The following SFRP2 variants were observed in gnomAD, a reference collection of about 807,000 sequenced individuals.
The protein encoded by SFRP2 is secreted frizzled-related protein 2.
In SFRP2, 16 loss-of-function variants were observed where a neutral mutation model predicts 26.0. The ratio of observed to expected loss-of-function variants is 0.61; its 90% CI spans 0.42 to 0.93. The LOEUF (loss-of-function observed/expected upper bound fraction) is 0.93. Ranked by LOEUF, SFRP2 falls within the 40% of genes least tolerant of loss-of-function variation. The pLI, the probability that SFRP2 is intolerant of heterozygous loss-of-function variation, is 0.00. For synonymous variants in SFRP2, 173 were observed against 167.3 expected, an observed-to-expected ratio of 1.03 and a Z score of -0.26; for missense variants, 343 against 392.4, an observed-to-expected ratio of 0.87 and a Z score of 1.06.
rs1206787522 is a variant in SFRP2 at position 153,788,777 on chromosome 4, C to A, written c.59G>T (p.Gly20Val). The change falls in exon 1 of 3, where the codon GGC becomes GTC. Residue 20 changes from glycine to valine, a missense_variant. Gly to Val is a moderately radical substitution (Grantham distance 109). Coordinates refer to ENST00000274063, the MANE Select transcript of SFRP2 (RefSeq NM_003013.3). ...AAAGAGGAAGAGCCCGCGCGCCGAG[C>A]CCAGGCAGCAGTGCGAGGCGAGGAA... is the stretch of plus-strand genomic sequence containing the variant. ...LLFLASHCCL[G>V]SARGLFLFGQ... The A allele has an allele frequency of 6.2e-7, 1 of 1,610,314 alleles. No individual in the cohort carries two copies. Among genetic ancestry groups the A allele is most frequent in the South Asian group, 1.1e-5 (1 of 91,064 alleles).
At chr4:153,788,280 T>A in intron 1 of SFRP2, 54 bp downstream of exon 1, 1 of 1,566,642 alleles carries the variant, frequency 6.4e-7, no homozygotes, top group East Asian at 2.3e-5. Context: ...GGGCGGGATC[T>A]CCTGGGAGCG....
intron 1 of SFRP2, 147 bp downstream of exon 1, chr4:153,788,187 G>T: frequency 1.1e-6 from 1 of 949,496 alleles, no homozygotes; most frequent in Non-Finnish European, 1.5e-6. Context: ...CAGGCTTGTT[G>T]TGATGACAGA....
rs764725894 is a variant in SFRP2 at position 153,781,429 on chromosome 4, C to T, written c.*22G>A. ...CAGCCGTGCTCTGGAGCAGGCCTGT[C>T]GGAGCCATCAGGATGCCGGGACTAG... On this transcript the variant is annotated 3_prime_UTR_variant, in exon 3 of 3. Coordinates refer to ENST00000274063, the MANE Select transcript of SFRP2 (RefSeq NM_003013.3). The T allele has an allele frequency of 8.1e-6, 13 of 1,599,794 alleles. No individual in the cohort carries two copies. The highest frequency in any genetic ancestry group is 7.8e-5 in the South Asian group (7 of 90,190).
At chr4:153,782,302 G>A (rs1385032224) in intron 2 of SFRP2, among the ~76,000 whole-genome samples, 1 of 152,194 alleles carries the variant, frequency 6.6e-6, no homozygotes, top group African/African-American at 2.4e-5. Context: ...CATTTGATTT[G>A]GTAAAGCAGG....
chr4:153,781,016 G>A lies in SFRP2; in HGVS notation c.*435C>T, dbSNP rs550858513. 1.7e-5 allele frequency: 3 copies of A among 180,362 alleles called. No homozygotes were observed. The highest frequency in any genetic ancestry group is 2.4e-5 in the African/African-American group (1 of 42,318). The allele number at this position is 180,362 out of a possible 1,614,324, so 11.2% of individuals were successfully genotyped here. ...CCAGCTTTATCTCAACAGGGTTTGT[G>A]ACCCACAAGTTTGGGCCACAGAGAA... On this transcript the variant is annotated 3_prime_UTR_variant, in exon 3 of 3. Transcript: ENST00000274063.
Position 153,788,858 on chromosome 4 carries a change from G to A in SFRP2, c.-23C>T. 1 of 1,557,066 alleles carries A rather than the reference G, an allele frequency of 6.4e-7. No homozygotes were observed. The highest frequency in any genetic ancestry group is 1.8e-5 in the Admixed American group (1 of 54,490). On this transcript the variant is annotated 5_prime_UTR_variant, in exon 1 of 3. Transcript: ENST00000274063. ...CATCGTGGGCGCGCGACCCCGAGGGGGCAGAGGGAGCGGAGCCGGGGAAGG... is the reference window on the plus strand; with the variant it reads ...CATCGTGGGCGCGCGACCCCGAGGGAGCAGAGGGAGCGGAGCCGGGGAAGG...
rs1025942815 is a variant in SFRP2 at position 153,781,268 on chromosome 4, C to G, written c.*183G>C. The stretch of plus-strand genomic sequence containing the variant: ...TCCTTTAGGTGAAAACAGCTATCCA[C>G]TCCTGTGGCCTTATAACTCAGGAAA... On this transcript the variant is annotated 3_prime_UTR_variant, in exon 3 of 3. Transcript: ENST00000274063. The G allele has an allele frequency of 3.4e-5, 20 of 591,292 alleles. No homozygotes were observed. The highest frequency in any genetic ancestry group is 5.7e-5 in the Non-Finnish European group (19 of 333,578). 36.6% of individuals were successfully genotyped at this position (591,292 alleles called of 1,614,324 possible).
chr4:153,783,980 A>G (rs2405202), intron 2 of SFRP2, among the ~76,000 whole-genome samples: 108,519 of 152,134 alleles, frequency 0.71, 38,683 homozygotes, highest in East Asian at 0.79. Context: ...GTAAGGAGGG[A>G]GCACACTAAG....
chr4:153,785,897 CGTT>C lies in SFRP2; in HGVS notation c.547_549del (p.Asn183del), dbSNP rs751451705. The C allele has an allele frequency of 9.1e-5, 146 of 1,602,744 alleles. No homozygotes were observed. The highest frequency in any genetic ancestry group is 1.2e-4 in the Non-Finnish European group (140 of 1,174,998). On this transcript the variant is annotated inframe_deletion, in exon 2 of 3. Transcript: ENST00000274063. ...TTTTTACAAAGCGTTTCCATTATGT[CGTT>C]GTCATCATCATTTTTATTTTTGCAG...
intron 1 of SFRP2, among the ~76,000 whole-genome samples, chr4:153,787,978 G>A (rs1741237720): frequency 6.6e-6 from 1 of 152,230 alleles, no homozygotes. Flanking sequence ...AACGCTCTGC[G>A]CAGCTCCAGT....
chr4:153,781,720 T>G lies in SFRP2; in HGVS notation c.619A>C (p.Asn207His). 2 of 1,614,158 alleles carry G rather than the reference T, an allele frequency of 1.2e-6. No individual in the cohort carries two copies. The highest frequency in any genetic ancestry group is 1.7e-6 in the Non-Finnish European group (2 of 1,179,998). The change falls in exon 3 of 3, where the codon AAC (asparagine) becomes CAC (histidine). Residue 207 changes from asparagine to histidine, a missense_variant. Physicochemically the swap from Asn to His is moderately conservative, Grantham distance 68. Coordinates refer to ENST00000274063, the MANE Select transcript of SFRP2 (RefSeq NM_003013.3). ...KIKVKEITYI[N>H]RDTKIILETK... ...TCCAGGATGATTTTGGTATCTCGGT[T>G]GATGTAGGTTATCTCCTTCACTTTT...
intron 2 of SFRP2, 28 bp from the exon 3 acceptor site, chr4:153,781,783 C>G (rs1207523874): frequency 6.3e-7 from 1 of 1,592,030 alleles, no homozygotes; most frequent in Non-Finnish European, 8.6e-7. Flanking sequence ...AAGAGTCATG[C>G]CAGTTATAAT....
intron 2 of SFRP2, among the ~76,000 whole-genome samples, chr4:153,782,092 A>G (rs1021645188): frequency 2.6e-5 from 4 of 152,182 alleles, no homozygotes; most frequent in Non-Finnish European, 4.4e-5. Flanking sequence ...CTCTCCAACA[A>G]ATGACTTCCT....
chr4:153,783,285 G>T (rs1457744051), intron 2 of SFRP2, among the ~76,000 whole-genome samples: 1 of 152,172 alleles, frequency 6.6e-6, no homozygotes, highest in Non-Finnish European at 1.5e-5. Context: ...TTACCTGGGA[G>T]CCTTGTCTGT....
At chr4:153,782,169 G>A (rs576321523) in intron 2 of SFRP2, among the ~76,000 whole-genome samples, 25 of 152,278 alleles carry the variant, frequency 1.6e-4, no homozygotes, top group East Asian at 9.6e-4. Context: ...CTCTGTGGCC[G>A]TAAAGTTTAA....
intron 2 of SFRP2, among the ~76,000 whole-genome samples, chr4:153,784,291 G>A (rs567406935): frequency 6.6e-6 from 1 of 152,302 alleles, no homozygotes; most frequent in South Asian, 2.1e-4. Context: ...GATGTAGCAT[G>A]GGGGCTGAGA....
rs771360002 is a variant in SFRP2, at chr4:153,785,850, G to C, written c.583+14C>G. ...TCTGAATGTGAAATCTGTTGTTGTT[G>C]TTGTATTACTTACCAAAATCATTTT... is the stretch of plus-strand genomic sequence containing the variant. On this transcript the variant is annotated intron_variant, in intron 2 of 2. Transcript: ENST00000274063. 20 of 1,499,918 alleles carry C rather than the reference G, an allele frequency of 1.3e-5. No homozygotes were observed. The African/African-American group carries it at 2.1e-4, about 16-fold the overall frequency. The allele number at this position is 1,499,918 out of a possible 1,614,324, so 92.9% of individuals were successfully genotyped here.
intron 2 of SFRP2, among the ~76,000 whole-genome samples, chr4:153,783,920 G>A (rs1311793797): frequency 6.6e-6 from 1 of 152,198 alleles, no homozygotes; most frequent in Non-Finnish European, 1.5e-5. Context: ...CTATGCATGT[G>A]ATACCTTAAG....
Position 153,788,635 on chromosome 4 carries a change from C to G in SFRP2, c.201G>C (p.Glu67Asp), listed in dbSNP as rs1741256543. 1.2e-6 allele frequency: 2 copies of G among 1,614,206 alleles called. No individual in the cohort carries two copies. Among genetic ancestry groups the G allele is most frequent in the Admixed American group, 3.3e-5 (2 of 60,026 alleles). Residue 67 changes from glutamate (E) to aspartate (D), a missense_variant, in exon 1 of 3, where the codon GAG becomes GAC. Glu to Asp is a conservative substitution (Grantham distance 45). This residue lies in a region of SFRP2 where 251 missense variants were observed against 253.3 expected (regional missense o/e 0.99). Transcript: ENST00000274063. ...NMRLPNLLGH[E>D]TMKEVLEQAG... is the part of the protein sequence containing the mutation. Reference sequence around the variant, plus strand: ...CCTGCTCCAGCACCTCCTTCATGGTCTCGTGGCCCAGCAGGTTGGGCAGCC... The same window carrying G: ...CCTGCTCCAGCACCTCCTTCATGGTGTCGTGGCCCAGCAGGTTGGGCAGCC...
Sources: gnomAD v4.1 joint callset for allele counts (sites outside exome capture counted in the v4.1 genomes callset) on GRCh38, gnomAD v4.1.1 for gene constraint, gnomAD v4.1.1 regional missense constraint, MANE v1.5 for transcripts, NCBI Gene and HGNC (gene_info 2026-07-23, HGNC 2026-07-21) for gene names.